The following DLC1 variants were observed in gnomAD, a reference collection of about 807,000 sequenced individuals.
The protein encoded by DLC1 is rho GTPase-activating protein 7.
A neutral mutation model predicts 140.3 loss-of-function variants in DLC1; 54 were observed. The ratio of observed to expected loss-of-function variants is 0.38; its 90% CI spans 0.31 to 0.48. The LOEUF is 0.48. DLC1 is among the 20% of genes least tolerant of loss of function. The pLI, the probability that DLC1 is intolerant of heterozygous loss-of-function variation, is 0.96. For missense variants in DLC1, 2,536 were observed against 1,907.0 expected (o/e 1.33, Z -6.14); for synonymous variants, 986 against 728.1 (o/e 1.35, Z -5.70).
chr8:13,435,415 G>C (rs1839075238), intron 2 of DLC1, among the ~76,000 whole-genome samples: 1 of 152,160 alleles, frequency 6.6e-6, no homozygotes, highest in East Asian at 1.9e-4. Context: ...CCGGGTTCAA[G>C]CAATTCTCCT....
At chr8:13,181,327 C>A (rs1226578884) in intron 5 of DLC1, among the ~76,000 whole-genome samples, 1 of 143,502 alleles carries the variant, frequency 7.0e-6, no homozygotes, top group African/African-American at 2.6e-5. Flanking sequence ...TTTTTTTTTT[C>A]TTTCTTTCTT....
intron 1 of DLC1, among the ~76,000 whole-genome samples, chr8:13,537,886 C>A (rs561064199): frequency 2.6e-5 from 4 of 151,998 alleles, no homozygotes; most frequent in Non-Finnish European, 4.4e-5. Context: ...GATTTCCTGA[C>A]CTCGTGATCC....
intron 5 of DLC1, among the ~76,000 whole-genome samples, chr8:13,239,092 T>A (rs902896545): frequency 2.6e-5 from 4 of 152,116 alleles, no homozygotes; most frequent in Admixed American, 1.3e-4. Context: ...GGAGATTGGG[T>A]AAGAACAGTT....
intron 1 of DLC1, among the ~76,000 whole-genome samples, chr8:13,576,911 G>A (rs546111505): frequency 1.3e-5 from 2 of 152,312 alleles, no homozygotes; most frequent in East Asian, 3.9e-4. Flanking sequence ...AAATGGCACT[G>A]AACAGAGGAA....
At chr8:13,547,791 A>G (rs1288459980) in intron 1 of DLC1, among the ~76,000 whole-genome samples, 2 of 151,952 alleles carry the variant, frequency 1.3e-5, no homozygotes, top group Non-Finnish European at 2.9e-5. Flanking sequence ...CTCTTCTCCC[A>G]ACTCCTTTCT....
Position 13,086,361 on chromosome 8 carries a change from C to A in DLC1, c.4395G>T (p.Leu1465Phe). The stretch of plus-strand genomic sequence containing the variant: ...CACAGGGTTCAATCAAATACCTGGA[C>A]AAGAGCACATTAACCCTCACACCCA... ...PVVGVRVNVL[L>F]SRYLIEPCGP... Residue 1465 changes from leucine (L) to phenylalanine (F), a missense_variant, in exon 17 of 18, where the codon TTG becomes TTT. By Grantham distance (22) the Leu-to-Phe change is conservative (BLOSUM62 0). Transcript: ENST00000276297. 6.2e-7 allele frequency: 1 copy of A among 1,614,212 alleles called. No homozygotes were observed. Among genetic ancestry groups the A allele is most frequent in the Non-Finnish European group, 8.5e-7 (1 of 1,180,040 alleles).
At chr8:13,283,604 T>C (rs1371791594) in intron 5 of DLC1, among the ~76,000 whole-genome samples, 1 of 152,150 alleles carries the variant, frequency 6.6e-6, no homozygotes, top group Non-Finnish European at 1.5e-5. Context: ...CAACTTCTGC[T>C]CCTGAGCTCA....
chr8:13,557,330 C>T (rs1804084017), intron 1 of DLC1, among the ~76,000 whole-genome samples: 1 of 152,118 alleles, frequency 6.6e-6, no homozygotes, highest in African/African-American at 2.4e-5. Flanking sequence ...AGTGTCTCAG[C>T]TGTGCTTCAT....
chr8:13,348,486 A>T (rs182804795), intron 4 of DLC1, among the ~76,000 whole-genome samples: 4 of 152,282 alleles, frequency 2.6e-5, no homozygotes, highest in Non-Finnish European at 5.9e-5. Flanking sequence ...TTGGAAGTAG[A>T]TTTAGGGATG....
At chr8:13,213,933 C>T (rs1318578911) in intron 5 of DLC1, among the ~76,000 whole-genome samples, 3 of 151,864 alleles carry the variant, frequency 2.0e-5, no homozygotes, top group African/African-American at 7.3e-5. Flanking sequence ...ACAGGCGACT[C>T]CCACCATGCC....
intron 4 of DLC1, among the ~76,000 whole-genome samples, chr8:13,382,731 A>G (rs1400556650): frequency 1.3e-5 from 2 of 152,204 alleles, no homozygotes; most frequent in Non-Finnish European, 2.9e-5. Flanking sequence ...AAGACCTCAG[A>G]AATACCTGAG....
At chr8:13,567,441 G>A (rs996719857) in intron 1 of DLC1, 1 of 1,552,052 alleles carries the variant, frequency 6.4e-7, no homozygotes, top group Non-Finnish European at 8.7e-7. Flanking sequence ...ATAAAAAGCT[G>A]CATCTTGGAT....
chr8:13,469,136 C>T (rs1800091488), intron 2 of DLC1, among the ~76,000 whole-genome samples: 1 of 152,020 alleles, frequency 6.6e-6, no homozygotes, highest in South Asian at 2.1e-4. Flanking sequence ...GCTTTTTATT[C>T]CCAGATTTTT....
At chr8:13,304,598 G>A (rs1424809403) in intron 5 of DLC1, 2 of 779,612 alleles carry the variant, frequency 2.6e-6, no homozygotes, top group African/African-American at 3.8e-5. Context: ...TACAAACTAA[G>A]TGATGTACTT....
chr8:13,117,710 G>C (rs891325757), intron 5 of DLC1, among the ~76,000 whole-genome samples: 12 of 152,218 alleles, frequency 7.9e-5, no homozygotes, highest in African/African-American at 2.9e-4. Flanking sequence ...TAAGTGGTGA[G>C]TAACCAAAAA....
At chr8:13,220,933 A>C (rs923806889) in intron 5 of DLC1, among the ~76,000 whole-genome samples, 1 of 152,178 alleles carries the variant, frequency 6.6e-6, no homozygotes, top group African/African-American at 2.4e-5. Context: ...GAATGTCAGC[A>C]AGACAGGCTG....
At chr8:13,181,326 T>C (rs28681626) in intron 5 of DLC1, among the ~76,000 whole-genome samples, 18,520 of 150,840 alleles carry the variant, frequency 0.12, 1,921 homozygotes, top group East Asian at 0.31. Flanking sequence ...TTTTTTTTTT[T>C]CTTTCTTTCT....
chr8:13,515,012 T>G (rs1389413355), upstream of DLC1: 1 of 191,612 alleles, frequency 5.2e-6, no homozygotes, highest in South Asian at 1.9e-4. Context: ...TACACAGAAC[T>G]CAAGTGAGTT....
Position 13,088,627 on chromosome 8 carries a change from G to T in DLC1, c.4152C>A (p.Arg1384=), listed in dbSNP as rs1004614002. 4 of 1,614,020 alleles carry T rather than the reference G, an allele frequency of 2.5e-6. No homozygotes were observed. The African/African-American group carries it at 4.0e-5, about 16-fold the overall frequency. The change falls in exon 16 of 18, where the codon CGC becomes CGA. Residue 1384 remains arginine (R), a synonymous_variant. Coordinates refer to ENST00000276297, the MANE Select transcript of DLC1 (RefSeq NM_182643.3). ...CCCAGAGGTGCTGTTCTTTAAGTAG[G>T]CGCTTTAAGATTTCCTCTGGCACAG... The part of the protein sequence containing the change: ...VPAVPEEILK[R]LLKEQHLWDV...
Sources: allele counts gnomAD v4.1 joint callset (sites outside exome capture counted in the v4.1 genomes callset), GRCh38; gene constraint gnomAD v4.1.1; transcripts MANE v1.5; gene names NCBI Gene and HGNC (gene_info 2026-07-23, HGNC 2026-07-21).